The following PCDH7 variants were observed in gnomAD, a reference collection of about 807,000 sequenced individuals.
PCDH7 encodes the protein protocadherin-7.
A neutral mutation model predicts 58.9 loss-of-function variants in PCDH7; 17 were observed. That is an observed-to-expected ratio of 0.29 (90% CI 0.20 to 0.43). PCDH7 has a LOEUF of 0.43. PCDH7 is among the 20% of genes least tolerant of loss of function. The probability of loss-of-function intolerance (pLI) is 1.00; values close to 1 mark genes in which losing one functional copy is unlikely to be tolerated. For synonymous variants in PCDH7, 664 were observed against 616.4 expected (o/e 1.08, Z -1.14); for missense variants, 1,274 against 1,441.0 (o/e 0.88, Z 1.88).
At chr4:30,852,809 C>A (rs1387579576) in intron 1 of PCDH7, among the ~76,000 whole-genome samples, 1 of 130,950 alleles carries the variant, frequency 7.6e-6, no homozygotes, top group Admixed American at 8.5e-5. Context: ...AGAACTCAAA[C>A]TCAGGTCTAT....
intron 3 of PCDH7, among the ~76,000 whole-genome samples, chr4:31,016,618 T>A (rs191932235): frequency 2.6e-5 from 4 of 152,046 alleles, no homozygotes; most frequent in Non-Finnish European, 5.9e-5. Context: ...TATAGTAAGA[T>A]GGGTAGCATT....
At chr4:30,953,615 T>G (rs1337898569) in intron 3 of PCDH7, among the ~76,000 whole-genome samples, 1 of 151,936 alleles carries the variant, frequency 6.6e-6, no homozygotes, top group East Asian at 1.9e-4. Flanking sequence ...GCTTTGACAT[T>G]AATTTGTTAA....
intron 3 of PCDH7, among the ~76,000 whole-genome samples, chr4:31,110,992 T>C (rs902834397): frequency 6.6e-6 from 1 of 152,108 alleles, no homozygotes; most frequent in Non-Finnish European, 1.5e-5. Flanking sequence ...GTAGGACATT[T>C]TGCTACAACA....
At position 31,124,894 on chromosome 4, in the gene PCDH7, C is replaced by T. The variant is rs74458935; in HGVS notation, c.*8-17579C>T. On this transcript the variant is annotated intron_variant, in intron 3 of 3. Transcript: ENST00000509759. ...TGTTGTTAAGCATTTATTTCTGCTT[C>T]TCACATCTAATTCGCCAAGGAGTGG... Among the ~76,000 whole-genome samples the T allele has an allele frequency of 6.6e-5, 10 of 152,284 alleles. No individual in the cohort carries two copies. The East Asian group carries it at 1.9e-3, about 29-fold the overall frequency.
intron 3 of PCDH7, among the ~76,000 whole-genome samples, chr4:31,110,156 C>A (rs1716103128): frequency 6.6e-6 from 1 of 152,114 alleles, no homozygotes; most frequent in South Asian, 2.1e-4. Flanking sequence ...ATTTTTAGCC[C>A]AGTTTTCCGC....
intron 3 of PCDH7, among the ~76,000 whole-genome samples, chr4:31,072,571 A>G (rs1018408026): frequency 1.3e-5 from 2 of 152,132 alleles, no homozygotes; most frequent in African/African-American, 4.8e-5. Context: ...GAAGATGTGT[A>G]AGATCATGTA....
At chr4:30,794,139 C>T (rs548749813) in intron 1 of PCDH7, among the ~76,000 whole-genome samples, 40 of 152,288 alleles carry the variant, frequency 2.6e-4, no homozygotes, top group African/African-American at 9.6e-4. Flanking sequence ...AGACAGTCAT[C>T]TGCCAGAAGA....
intron 3 of PCDH7, among the ~76,000 whole-genome samples, chr4:31,099,515 A>T (rs886887812): frequency 6.6e-6 from 1 of 152,244 alleles, no homozygotes; most frequent in Non-Finnish European, 1.5e-5. Context: ...TTTGCCTTCA[A>T]CACACACAAA....
At chr4:31,034,529 G>C (rs6448736) in intron 3 of PCDH7, among the ~76,000 whole-genome samples, 94,002 of 151,720 alleles carry the variant, frequency 0.62, 31,785 homozygotes, top group African/African-American at 0.9. Context: ...CAACTAAAGC[G>C]TAGCCGCTCA....
At position 30,741,001 on chromosome 4, in the gene PCDH7, C is replaced by T. The variant is rs919167577; in HGVS notation, c.70+16405C>T. 6.6e-5 allele frequency among the ~76,000 whole-genome samples: 10 copies of T among 151,858 alleles called. No homozygotes were observed. The East Asian group carries it at 1.7e-3, about 27-fold the overall frequency. ...TGGTGCAGTGATTTTTTTGCTGTGA[C>T]ATTGTGTTCTTCATGTGTGGATGAT... On this transcript the variant is annotated intron_variant, in intron 1 of 3. Coordinates refer to the PCDH7 transcript ENST00000509759.
intron 1 of PCDH7, among the ~76,000 whole-genome samples, chr4:30,861,162 A>C (rs1297248028): frequency 2.6e-5 from 4 of 152,112 alleles, no homozygotes. Context: ...CACCTTATAC[A>C]CTAGAAGTAC....
intron 1 of PCDH7, among the ~76,000 whole-genome samples, chr4:30,818,377 G>C (rs1342142210): frequency 6.6e-6 from 1 of 152,074 alleles, no homozygotes; most frequent in Non-Finnish European, 1.5e-5. Flanking sequence ...CTGTTTCTCA[G>C]CTTCCATATT....
intron 3 of PCDH7, among the ~76,000 whole-genome samples, chr4:31,104,601 G>C (rs1235412793): frequency 6.6e-6 from 1 of 152,068 alleles, no homozygotes; most frequent in African/African-American, 2.4e-5. Context: ...AAACTATTTT[G>C]AGCAACTACT....
intron 3 of PCDH7, among the ~76,000 whole-genome samples, chr4:31,064,375 C>G (rs535607114): frequency 6.6e-6 from 1 of 152,094 alleles, no homozygotes; most frequent in East Asian, 1.9e-4. Context: ...AGTAAGTTCT[C>G]TCTGTGTTTG....
intron 1 of PCDH7, among the ~76,000 whole-genome samples, chr4:30,758,021 A>G (rs1045149385): frequency 1.3e-4 from 20 of 152,196 alleles, no homozygotes; most frequent in African/African-American, 4.8e-4. Context: ...TGCATGATTA[A>G]TAAGACATTG....
chr4:31,104,738 A>G (rs768892361), intron 3 of PCDH7, among the ~76,000 whole-genome samples: 2 of 152,210 alleles, frequency 1.3e-5, no homozygotes, highest in Non-Finnish European at 2.9e-5. Context: ...AATTACAGGC[A>G]GAGACACACA....
intron 1 of PCDH7, among the ~76,000 whole-genome samples, chr4:30,918,357 G>C (rs1156395064): frequency 6.6e-6 from 1 of 151,970 alleles, no homozygotes; most frequent in Non-Finnish European, 1.5e-5. Context: ...TGAGGGTTGG[G>C]AGAAAAGAAA....
At chr4:30,917,167 C>T (rs972372730) in intron 1 of PCDH7, among the ~76,000 whole-genome samples, 3 of 152,102 alleles carry the variant, frequency 2.0e-5, no homozygotes, top group African/African-American at 7.2e-5. Context: ...CTTTTCAAGA[C>T]TCAATTGTCT....
At chr4:30,824,115 CTTTCTTTCTTTCTTTCTTTCT>C (rs1728763837) in intron 1 of PCDH7, among the ~76,000 whole-genome samples, 8 of 142,070 alleles carry the variant, frequency 5.6e-5, no homozygotes, top group African/African-American at 2.1e-4. Context: ...TTCTTTCTTT[CTTTCTTTCTTTCTTTCTTTCT>C]TTCTTTCTTT....
Sources: gnomAD v4.1 joint callset for allele counts (sites outside exome capture counted in the v4.1 genomes callset) on GRCh38, gnomAD v4.1.1 for gene constraint, MANE v1.5 for transcripts, NCBI Gene and HGNC (gene_info 2026-07-23, HGNC 2026-07-21) for gene names.